The following GATA3 variants were observed in gnomAD, a reference collection of about 807,000 sequenced individuals.
GATA3 encodes the protein GATA binding protein 3.
A neutral mutation model predicts 36.0 loss-of-function variants in GATA3; 6 were observed. That is an observed-to-expected ratio of 0.17 (90% confidence interval 0.09 to 0.33). GATA3 has a LOEUF of 0.33. Ranked by LOEUF, GATA3 falls within the 10% of genes least tolerant of loss-of-function variation. GATA3 has a pLI of 1.00. For missense variants in GATA3, 514 were observed against 610.1 expected, an observed-to-expected ratio of 0.84 and a Z score of 1.66; for synonymous variants, 326 against 273.0, an observed-to-expected ratio of 1.19 and a Z score of -1.92.
rs763798635 is a variant in GATA3 at position 8,055,847 on chromosome 10, C to T, written c.192C>T (p.Tyr64=). The T allele has an allele frequency of 2.5e-6, 4 of 1,580,722 alleles. No individual in the cohort carries two copies. Among genetic ancestry groups the T allele is most frequent in the Admixed American group, 3.6e-5 (2 of 55,708 alleles). Residue 64 remains tyrosine (Y), a synonymous_variant, in exon 2 of 6, where the codon TAC becomes TAT. Coordinates refer to ENST00000379328, the MANE Select transcript of GATA3 (RefSeq NM_001002295.2). This position sits in a 1 kb window ranked among gnomAD's most constrained non-coding sequence, Gnocchi z 5.4. The stretch of plus-strand genomic sequence containing the variant: ...AAGGCAACCACGTCCCGCCCTACTA[C>T]GGAAACTCGGTCAGGGCCACGGTGC... The part of the protein sequence containing the change: ...DGQGNHVPPY[Y]GNSVRATVQR...
intron 3 of GATA3, among the ~76,000 whole-genome samples, chr10:8,060,643 T>C (rs1385678500): frequency 2.0e-5 from 3 of 152,036 alleles, no homozygotes; most frequent in African/African-American, 7.2e-5. Flanking sequence ...CAGAGTGACT[T>C]TTCCAAGATA....
chr10:8,064,501 G>A (rs994926436), intron 4 of GATA3, among the ~76,000 whole-genome samples: 13 of 152,092 alleles, frequency 8.5e-5, no homozygotes, highest in African/African-American at 2.9e-4. Context: ...GTGCACTGAT[G>A]AGCACCGTTT....
chr10:8,050,196 G>C (rs975588897), upstream of GATA3, among the ~76,000 whole-genome samples: 6 of 152,258 alleles, frequency 3.9e-5, no homozygotes, highest in Admixed American at 3.3e-4. Context: ...TGCGTACTGC[G>C]GCGGGCGCAG....
intron 5 of GATA3, among the ~76,000 whole-genome samples, chr10:8,070,987 G>C (rs1383765484): frequency 2.6e-5 from 4 of 152,154 alleles, no homozygotes; most frequent in Admixed American, 2.6e-4. Flanking sequence ...AATCTGGAAG[G>C]CTTGGGCTTA....
At chr10:8,046,657 G>GTT (rs1326076371) in intron 1 of GATA3, among the ~76,000 whole-genome samples, 1 of 128,752 alleles carries the variant, frequency 7.8e-6, no homozygotes, top group Non-Finnish European at 1.5e-5. Flanking sequence ...CAGTGTGTGT[G>GTT]TGTGTGTGTG....
Position 8,063,977 on chromosome 10 carries a change from G to T in GATA3, c.779-16G>T. 2 of 1,614,180 alleles carry T rather than the reference G, an allele frequency of 1.2e-6. No individual in the cohort carries two copies. The highest frequency in any genetic ancestry group is 1.7e-6 in the Non-Finnish European group (2 of 1,180,034). ...TTTTCCTTCCCTAAGTGGCTTATCT[G>T]TGCTTTTGTTTCCAGAAGGCAGGGA... is the stretch of plus-strand genomic sequence containing the variant. On this transcript the variant is annotated splice_polypyrimidine_tract_variant and intron_variant, in intron 3 of 5. Coordinates refer to ENST00000379328, the MANE Select transcript of GATA3 (RefSeq NM_001002295.2).
At chr10:8,051,471 G>C (rs1832491059), upstream of GATA3, 1 of 173,336 alleles carries the variant, frequency 5.8e-6, no homozygotes, top group Non-Finnish European at 1.2e-5. Context: ...CCTTACCCTG[G>C]TGAGGGAGGC....
chr10:8,047,691 G>A (rs1181017767), intron 1 of GATA3, among the ~76,000 whole-genome samples: 3 of 152,182 alleles, frequency 2.0e-5, no homozygotes, highest in Non-Finnish European at 4.4e-5. Context: ...CGTCGCTGCC[G>A]GTCTGCTGGC....
upstream of GATA3, among the ~76,000 whole-genome samples, chr10:8,048,608 A>G (rs571103003): frequency 6.6e-6 from 1 of 151,980 alleles, no homozygotes; most frequent in East Asian, 1.9e-4. Context: ...CGTGGCACCC[A>G]CCTGTCCCCC....
upstream of GATA3, chr10:8,050,382 T>C (rs189874851): frequency 6.6e-6 from 1 of 152,220 alleles, no homozygotes; most frequent in Non-Finnish European, 1.5e-5. Context: ...ACCCGGCTGG[T>C]GCGGGGTACT....
chr10:8,072,485 C>T (rs774432703), intron 5 of GATA3, among the ~76,000 whole-genome samples: 1 of 152,234 alleles, frequency 6.6e-6, no homozygotes, highest in Non-Finnish European at 1.5e-5. Context: ...TAATCTGCTT[C>T]TGCCTCCCTG....
rs752977342 is a variant in GATA3 at position 8,073,911 on chromosome 10, C to G, written c.1223C>G (p.Ser408Trp). The G allele has an allele frequency of 6.2e-7, 1 of 1,614,136 alleles. No homozygotes were observed. Among genetic ancestry groups the G allele is most frequent in the Non-Finnish European group, 8.5e-7 (1 of 1,180,028 alleles). Residue 408 changes from serine (S) to tryptophan (W), a missense_variant, in exon 6 of 6, where the codon TCG (serine) becomes TGG (tryptophan). Physicochemically the swap from Ser to Trp is radical, Grantham distance 177. Around this residue, in one of 3 missense-constraint regions of GATA3, gnomAD observed 89 missense variants for 104.2 expected, o/e 0.85. Transcript: ENST00000379328. ...CACATGTCCTCCCTGAGCCACATCT[C>G]GCCCTTCAGCCACTCCAGCCACATG... ...SRHMSSLSHI[S>W]PFSHSSHMLT... is the part of the protein sequence containing the mutation.
At position 8,065,707 on chromosome 10, in the gene GATA3, T is replaced by G. The variant is rs1345907417; in HGVS notation, c.924+1569T>G. On this transcript the variant is annotated intron_variant, in intron 4 of 5. Coordinates refer to ENST00000379328, the MANE Select transcript of GATA3 (RefSeq NM_001002295.2). Reference sequence around the variant, plus strand: ...CTCTCCTCCAGCAGTTTGGTTTTTTTTTTTTTTTTTTTTTTTTTCCTTTCT... The same window carrying G: ...CTCTCCTCCAGCAGTTTGGTTTTTTGTTTTTTTTTTTTTTTTTTCCTTTCT... 3.5e-5 allele frequency among the ~76,000 whole-genome samples: 5 copies of G among 141,430 alleles called. No individual in the cohort carries two copies. The East Asian group carries it at 1.0e-3, about 29-fold the overall frequency. The allele number at this position is 141,430 out of a possible 152,430, so 92.8% of individuals were successfully genotyped here.
In GATA3 at chr10:8,058,630, C is replaced by T. The variant is rs768165292; in HGVS notation, c.567C>T (p.Pro189=). Residue 189 remains proline (P), a synonymous_variant, in exon 3 of 6, where the codon CCC becomes CCT. Coordinates refer to ENST00000379328, the MANE Select transcript of GATA3 (RefSeq NM_001002295.2). Reference sequence around the variant, plus strand: ...AAGAGTGCCTCAAGTACCAGGTGCCCCTGCCCGACAGCATGAAGCTGGAGT... The same window carrying T: ...AAGAGTGCCTCAAGTACCAGGTGCCTCTGCCCGACAGCATGAAGCTGGAGT... ...DEKECLKYQV[P]LPDSMKLESS... The T allele has an allele frequency of 5.6e-6, 9 of 1,612,664 alleles. No individual in the cohort carries two copies. The Admixed American group carries it at 1.3e-4, about 24-fold the overall frequency.
At chr10:8,049,460 T>C (rs74123854), upstream of GATA3, among the ~76,000 whole-genome samples, 13,588 of 152,266 alleles carry the variant, frequency 0.089, 760 homozygotes, top group African/African-American at 0.15. Context: ...TCTCCGCATT[T>C]CAGCTCGCAA....
chr10:8,061,758 C>T (rs1474163539), intron 3 of GATA3, among the ~76,000 whole-genome samples: 1 of 152,232 alleles, frequency 6.6e-6, no homozygotes, highest in Non-Finnish European at 1.5e-5. Flanking sequence ...TCACCCTCCC[C>T]ACCACCCTGC....
intron 1 of GATA3, among the ~76,000 whole-genome samples, chr10:8,047,501 CT>C (rs1248882532): frequency 2.0e-5 from 3 of 152,360 alleles, no homozygotes; most frequent in Non-Finnish European, 2.9e-5. Flanking sequence ...CCCATCACCT[CT>C]TTTTTACTTA....
upstream of GATA3, chr10:8,053,091 T>G (rs1339706236): frequency 6.6e-6 from 1 of 152,166 alleles, no homozygotes; most frequent in East Asian, 1.9e-4. This position sits in a 1 kb window ranked among gnomAD's most constrained non-coding sequence, Gnocchi z 5.1. Flanking sequence ...TCTACAGGGA[T>G]AGTGTTTTAA....
In GATA3 at chr10:8,054,797, A is replaced by AGG. The variant is rs1832592658; in HGVS notation, c.-463_-462insGG. On this transcript the variant is annotated 5_prime_UTR_variant, in exon 1 of 6. Coordinates refer to ENST00000379328, the MANE Select transcript of GATA3 (RefSeq NM_001002295.2). The surrounding 1 kb of genome is among the most constrained non-coding windows in gnomAD (Gnocchi z 4.2). ...GAGAGAGAGAGAGAAGAAGAGAGAG[A>AGG]GACGGAGGGAGAGCGAGACAGAGCG... The AGG allele has an allele frequency of 6.6e-6, 1 of 150,762 alleles. No homozygotes were observed. Among genetic ancestry groups the AGG allele is most frequent in the African/African-American group, 2.4e-5 (1 of 41,008 alleles). 9.3% of individuals were successfully genotyped at this position (150,762 alleles called of 1,614,324 possible). A position where few individuals can be genotyped will look rare whatever the true frequency, so the allele number is the denominator to read the frequency against.
Sources: allele counts gnomAD v4.1 joint callset (sites outside exome capture counted in the v4.1 genomes callset), GRCh38; gene constraint gnomAD v4.1.1; regional missense constraint gnomAD v4.1.1; non-coding constraint Gnocchi (gnomAD v3.1); transcripts MANE v1.5; gene names NCBI Gene and HGNC (gene_info 2026-07-23, HGNC 2026-07-21).